Variants in ZBTB7C observed in about 807,000 individuals in gnomAD.
The protein encoded by ZBTB7C is zinc finger and BTB domain containing 7C.
Under a neutral mutation model 25.7 loss-of-function variants are expected in ZBTB7C, and 8 were observed. The ratio of observed to expected loss-of-function variants is 0.31; its 90% confidence interval spans 0.18 to 0.56. ZBTB7C has a LOEUF of 0.56. Ranked by LOEUF, ZBTB7C falls within the 20% of genes least tolerant of loss-of-function variation. The pLI, the probability that ZBTB7C is intolerant of heterozygous loss-of-function variation, is 0.91. For synonymous variants in ZBTB7C, 394 were observed against 369.0 expected (o/e 1.07, Z -0.78); for missense variants, 824 against 855.2 (o/e 0.96, Z 0.46).
In ZBTB7C at chr18:48,041,220, C is replaced by T. The variant is rs1048597841; in HGVS notation, c.-16-97G>A. 10 of 1,452,152 alleles carry T rather than the reference C, an allele frequency of 6.9e-6. No homozygotes were observed. In the African/African-American group the frequency reaches 1.1e-4, roughly 17 times the overall value. 90.0% of individuals were successfully genotyped at this position (1,452,152 alleles called of 1,614,324 possible). A position where few individuals can be genotyped will look rare whatever the true frequency, so the allele number is the denominator to read the frequency against. On this transcript the variant is annotated intron_variant, in intron 3 of 4. Transcript: ENST00000590800. ...CTGAGCCACCTCCTTGGCATAAGGGCTCCCTGTCCACTGCAAGGCCAGTCC... is the reference window on the plus strand; with the variant it reads ...CTGAGCCACCTCCTTGGCATAAGGGTTCCCTGTCCACTGCAAGGCCAGTCC...
chr18:48,053,228 T>C (rs935261061), intron 3 of ZBTB7C, among the ~76,000 whole-genome samples: 1 of 152,158 alleles, frequency 6.6e-6, no homozygotes, highest in Non-Finnish European at 1.5e-5. Context: ...TGGCCAAGAA[T>C]GGGCATGGAG....
At chr18:48,352,588 A>C (rs937989986) in intron 1 of ZBTB7C, among the ~76,000 whole-genome samples, 2 of 152,062 alleles carry the variant, frequency 1.3e-5, no homozygotes, top group East Asian at 1.9e-4. Context: ...AGGGCCCAGG[A>C]TGCTGACCAG....
intron 2 of ZBTB7C, among the ~76,000 whole-genome samples, chr18:48,297,495 C>T (rs1171164508): frequency 6.6e-6 from 1 of 152,136 alleles, no homozygotes; most frequent in African/African-American, 2.4e-5. Context: ...CTCTCTCCCC[C>T]ATTCTACTTC....
At chr18:48,164,112 T>C (rs565432894) in intron 3 of ZBTB7C, among the ~76,000 whole-genome samples, 2 of 152,288 alleles carry the variant, frequency 1.3e-5, no homozygotes, top group African/African-American at 4.8e-5. Flanking sequence ...TCAAATTAAA[T>C]TAATTGATTT....
intron 3 of ZBTB7C, among the ~76,000 whole-genome samples, chr18:48,139,719 C>T (rs1484593533): frequency 6.6e-6 from 1 of 152,086 alleles, no homozygotes; most frequent in African/African-American, 2.4e-5. Context: ...CTCCAGCCTC[C>T]CTCGGTGCCA....
chr18:48,255,911 A>G (rs1223617758), intron 2 of ZBTB7C, among the ~76,000 whole-genome samples: 2 of 144,694 alleles, frequency 1.4e-5, no homozygotes, highest in African/African-American at 2.7e-5. Context: ...TCCAAAAAAG[A>G]ATAAGGAATT....
At chr18:48,171,086 C>G (rs531483328) in intron 3 of ZBTB7C, among the ~76,000 whole-genome samples, 1 of 152,326 alleles carries the variant, frequency 6.6e-6, no homozygotes, top group African/African-American at 2.4e-5. Flanking sequence ...ATCTGCTGGA[C>G]CTGGACTCAG....
chr18:48,179,827 C>CCTT (rs747481284), intron 3 of ZBTB7C, among the ~76,000 whole-genome samples: 7 of 33,512 alleles, frequency 2.1e-4, no homozygotes, highest in Non-Finnish European at 3.9e-4. Flanking sequence ...TTCCTCCCTT[C>CCTT]CCTTCAAGGA....
intron 2 of ZBTB7C, among the ~76,000 whole-genome samples, chr18:48,217,769 C>T (rs2145278055): frequency 6.6e-6 from 1 of 152,358 alleles, no homozygotes; most frequent in East Asian, 1.9e-4. Flanking sequence ...CCCTGCCTCC[C>T]AGCCAGCCCT....
intron 2 of ZBTB7C, among the ~76,000 whole-genome samples, chr18:48,234,413 C>A (rs1372457345): frequency 6.6e-6 from 1 of 152,034 alleles, no homozygotes; most frequent in African/African-American, 2.4e-5. Flanking sequence ...CTGTCTAACC[C>A]CAACCCCGGT....
At chr18:48,219,277 T>A (rs1311742316) in intron 2 of ZBTB7C, among the ~76,000 whole-genome samples, 1 of 152,154 alleles carries the variant, frequency 6.6e-6, no homozygotes, top group Non-Finnish European at 1.5e-5. Context: ...GCCCCTGCCC[T>A]CCCAGGCACT....
chr18:48,340,667 G>A (rs1293320295), intron 1 of ZBTB7C, among the ~76,000 whole-genome samples: 2 of 152,218 alleles, frequency 1.3e-5, no homozygotes, highest in African/African-American at 2.4e-5. Context: ...GGAGGGTGAG[G>A]ATAGGAGCTC....
At chr18:48,060,267 C>CA (rs2144317557) in intron 3 of ZBTB7C, among the ~76,000 whole-genome samples, 1 of 152,282 alleles carries the variant, frequency 6.6e-6, no homozygotes, top group Non-Finnish European at 1.5e-5. Context: ...AAGGAATAAA[C>CA]AAATATGCTA....
chr18:48,087,184 G>A (rs1650474363), intron 3 of ZBTB7C, among the ~76,000 whole-genome samples: 1 of 151,816 alleles, frequency 6.6e-6, no homozygotes, highest in Non-Finnish European at 1.5e-5. Flanking sequence ...TGTGCTCCTG[G>A]GCCTGGAGAA....
In ZBTB7C at chr18:48,284,698, C is replaced by T. The variant is rs896405004; in HGVS notation, c.-79+53476G>A. Among the ~76,000 whole-genome samples, 6 of 148,786 alleles carry T rather than the reference C, an allele frequency of 4.0e-5. No individual in the cohort carries two copies. The East Asian group carries it at 6.0e-4, about 15-fold the overall frequency. ...CCCAACTACTCAGGAGGCTGAGGCA[C>T]GAGAATTGCTTGAACCCAGGAGGCA... On this transcript the variant is annotated intron_variant, in intron 2 of 4. Coordinates refer to ENST00000590800, the MANE Select transcript of ZBTB7C (RefSeq NM_001318841.2).
intron 4 of ZBTB7C, 92 bp from the exon 5 acceptor site, chr18:48,030,003 C>G: frequency 6.5e-7 from 1 of 1,543,868 alleles, no homozygotes; most frequent in Non-Finnish European, 8.8e-7. Flanking sequence ...CCAGCCGAGG[C>G]TCCCTACTGC....
chr18:48,170,080 A>C (rs1484543647), intron 3 of ZBTB7C, among the ~76,000 whole-genome samples: 1 of 152,098 alleles, frequency 6.6e-6, no homozygotes, highest in Non-Finnish European at 1.5e-5. Flanking sequence ...TGCACTCCCC[A>C]CAAAGGCCAA....
At chr18:48,255,419 T>C (rs2043992414) in intron 2 of ZBTB7C, among the ~76,000 whole-genome samples, 1 of 152,246 alleles carries the variant, frequency 6.6e-6, no homozygotes, top group South Asian at 2.1e-4. Context: ...GCCATTGGTT[T>C]GGACTGAGCT....
At chr18:48,078,559 C>T (rs1008730874) in intron 3 of ZBTB7C, among the ~76,000 whole-genome samples, 5 of 152,176 alleles carry the variant, frequency 3.3e-5, no homozygotes, top group African/African-American at 9.7e-5. Context: ...GGGGAGCAGT[C>T]GTGGGATGCT....
Sources: gnomAD v4.1 joint callset for allele counts (sites outside exome capture counted in the v4.1 genomes callset) on GRCh38, gnomAD v4.1.1 for gene constraint, MANE v1.5 for transcripts, NCBI Gene and HGNC (gene_info 2026-07-23, HGNC 2026-07-21) for gene names.